Variants in SCPEP1 observed in about 807,000 individuals in gnomAD.
The protein encoded by SCPEP1 is serine carboxypeptidase 1, also known as retinoid-inducible serine carboxypeptidase.
SCPEP1 carries 51 observed loss-of-function variants against 63.8 expected under a neutral mutation model. The observed-to-expected ratio is 0.80, with a 90% CI of 0.64 to 1.01. SCPEP1 has a LOEUF of 1.01. SCPEP1 is among the 50% of genes least tolerant of loss of function. The pLI is 0.00. For synonymous variants in SCPEP1, 204 were observed against 207.8 expected (o/e 0.98, Z 0.16); for missense variants, 499 against 554.9 (o/e 0.90, Z 1.01).
chr17:56,993,176 C>T (rs1022658830), intron 6 of SCPEP1, among the ~76,000 whole-genome samples: 4 of 152,156 alleles, frequency 2.6e-5, no homozygotes, highest in Non-Finnish European at 4.4e-5. Flanking sequence ...AGTATGGTAA[C>T]CACTTGCCAC....
intron 4 of SCPEP1, 86 bp downstream of exon 4, chr17:56,987,936 G>C (rs1911273630): frequency 1.4e-6 from 2 of 1,417,456 alleles, no homozygotes; most frequent in East Asian, 4.6e-5. Flanking sequence ...TGCCTCCAGA[G>C]TTTAATGCCT....
At chr17:56,994,949 T>C in intron 6 of SCPEP1, 32 bp from the exon 7 acceptor site, 2 of 1,592,188 alleles carry the variant, frequency 1.3e-6, no homozygotes, top group South Asian at 1.1e-5. Context: ...AGGTATGACA[T>C]ACTTGATTTG....
chr17:56,993,729 G>A (rs994090175), intron 6 of SCPEP1, among the ~76,000 whole-genome samples: 3 of 152,206 alleles, frequency 2.0e-5, no homozygotes, highest in African/African-American at 7.2e-5. Context: ...TTACAGGCGT[G>A]AGCCACCGCA....
intron 5 of SCPEP1, among the ~76,000 whole-genome samples, chr17:56,990,170 T>C (rs542981105): frequency 6.6e-6 from 1 of 152,312 alleles, no homozygotes; most frequent in East Asian, 1.9e-4. Context: ...AACACTTCCA[T>C]ATGTGGAGAT....
chr17:57,005,644 T>C (rs1216954324), intron 12 of SCPEP1, among the ~76,000 whole-genome samples: 1 of 152,082 alleles, frequency 6.6e-6, no homozygotes, highest in Non-Finnish European at 1.5e-5. Flanking sequence ...GGAAGGAAAT[T>C]TTAAAGGACT....
intron 9 of SCPEP1, 63 bp from the exon 10 acceptor site, chr17:56,998,322 A>T (rs567987675): frequency 8.4e-7 from 1 of 1,186,300 alleles, no homozygotes; most frequent in South Asian, 1.3e-5. Flanking sequence ...AAAAAAAAAA[A>T]AAAGATGTCC....
At chr17:56,985,516 A>AG in intron 3 of SCPEP1, 49 bp downstream of exon 3, 1 of 1,422,518 alleles carries the variant, frequency 7.0e-7, no homozygotes. Context: ...GGCCTCTCAG[A>AG]GGCCCTGCCC....
At chr17:57,005,387 A>G (rs115641057) in intron 12 of SCPEP1, among the ~76,000 whole-genome samples, 1,939 of 152,298 alleles carry the variant, frequency 0.013, 40 homozygotes, top group African/African-American at 0.044. Context: ...GACAGGCTTA[A>G]AATAGCCCTT....
intron 8 of SCPEP1, among the ~76,000 whole-genome samples, chr17:56,996,739 G>A (rs764542128): frequency 7.3e-5 from 11 of 151,018 alleles, no homozygotes; most frequent in South Asian, 2.1e-4. Context: ...GGCCGGTCTC[G>A]AACTCCTGGG....
chr17:56,997,108 G>C, intron 9 of SCPEP1, 53 bp downstream of exon 9: 1 of 1,009,172 alleles, frequency 9.9e-7, no homozygotes, highest in Non-Finnish European at 1.4e-6. Context: ...CATGCAAAAA[G>C]AAACCTGTTT....
At chr17:57,003,250 G>A (rs778639057) in intron 12 of SCPEP1, among the ~76,000 whole-genome samples, 2 of 152,104 alleles carry the variant, frequency 1.3e-5, no homozygotes, top group African/African-American at 2.4e-5. Context: ...TGCAGAGGGG[G>A]AATTTTCATA....
intron 2 of SCPEP1, among the ~76,000 whole-genome samples, chr17:56,981,926 T>C (rs1401492637): frequency 6.6e-6 from 1 of 152,126 alleles, no homozygotes; most frequent in African/African-American, 2.4e-5. Context: ...AACCCTAACT[T>C]CTTACCCCCA....
rs747746849 is a variant in SCPEP1 at position 57,000,947 on chromosome 17, G to A, written c.1087G>A (p.Val363Met). Residue 363 changes from valine to methionine, a missense_variant, in exon 11 of 13, where the codon GTG becomes ATG. Coordinates refer to ENST00000262288, the MANE Select transcript of SCPEP1 (RefSeq NM_021626.3). ...VDELLEAGIN[V>M]TVYNGQLDLI... Reference sequence around the variant, plus strand: ...CGAGTTGCTGGAGGCAGGGATCAACGTGACGGTGTATAATGGACAGCTGGA... The same window carrying A: ...CGAGTTGCTGGAGGCAGGGATCAACATGACGGTGTATAATGGACAGCTGGA... 1.9e-5 allele frequency: 31 copies of A among 1,614,050 alleles called. No individual in the cohort carries two copies. In the East Asian group the frequency reaches 2.0e-4, roughly 10 times the overall value.
intron 3 of SCPEP1, among the ~76,000 whole-genome samples, chr17:56,986,108 C>T (rs1197015134): frequency 6.6e-6 from 1 of 152,110 alleles, no homozygotes; most frequent in Non-Finnish European, 1.5e-5. Flanking sequence ...TGTGGCTGTT[C>T]CTCTCTCTGT....
rs538076088 is a variant in SCPEP1, at chr17:57,001,827, C to T, written c.1133-191C>T. Among the ~76,000 whole-genome samples, 5 of 152,330 alleles carry T rather than the reference C, an allele frequency of 3.3e-5. No individual in the cohort carries two copies. The South Asian group carries it at 1.0e-3, about 32-fold the overall frequency. On this transcript the variant is annotated intron_variant, in intron 11 of 12. Coordinates refer to ENST00000262288, the MANE Select transcript of SCPEP1 (RefSeq NM_021626.3). ...AGGTTTCTCCCAGCAGCCTAGGTTT[C>T]ACTGGGAGTCAGAAATGCAGATGCT...
intron 7 of SCPEP1, 46 bp from the exon 8 acceptor site, chr17:56,995,461 C>T (rs757857587): frequency 3.4e-5 from 54 of 1,595,176 alleles, no homozygotes; most frequent in Non-Finnish European, 4.4e-5. Context: ...ACCAGATTGA[C>T]GTTCCCAAGT....
At chr17:57,003,108 T>G (rs1048693145) in intron 12 of SCPEP1, among the ~76,000 whole-genome samples, 1 of 151,954 alleles carries the variant, frequency 6.6e-6, no homozygotes, top group Non-Finnish European at 1.5e-5. Flanking sequence ...ATCTGGAAGA[T>G]TGTGCCCCAC....
At chr17:56,994,578 C>T (rs1167282025) in intron 6 of SCPEP1, among the ~76,000 whole-genome samples, 1 of 152,128 alleles carries the variant, frequency 6.6e-6, no homozygotes, top group East Asian at 1.9e-4. Flanking sequence ...ACTGGAGGAG[C>T]AAATAAGATG....
At chr17:56,987,599 A>G in intron 3 of SCPEP1, 96 bp from the exon 4 acceptor site, 1 of 1,222,620 alleles carries the variant, frequency 8.2e-7, no homozygotes, top group Non-Finnish European at 1.2e-6. Context: ...GTATCCTCAC[A>G]TGTGTGGGTT....
Sources: gnomAD v4.1 joint callset for allele counts (sites outside exome capture counted in the v4.1 genomes callset) on GRCh38, gnomAD v4.1.1 for gene constraint, MANE v1.5 for transcripts, NCBI Gene and HGNC (gene_info 2026-07-23, HGNC 2026-07-21) for gene names.